Variants in PIP5K1B observed in about 807,000 individuals in gnomAD.
The protein encoded by PIP5K1B is phosphatidylinositol-4-phosphate 5-kinase type 1 beta.
PIP5K1B carries 42 observed loss-of-function variants against 67.0 expected under a neutral mutation model. The observed-to-expected ratio is 0.63, with a 90% CI of 0.49 to 0.81. The LOEUF is 0.81. Among genes scored for constraint, PIP5K1B ranks in the 30% least tolerant of loss-of-function variants. PIP5K1B has a pLI of 0.00. For synonymous variants in PIP5K1B, 214 were observed against 231.4 expected (o/e 0.92, Z 0.68); for missense variants, 459 against 646.3 (o/e 0.71, Z 3.14).
chr9:68,886,859 C>G (rs1824502805), intron 6 of PIP5K1B, among the ~76,000 whole-genome samples: 1 of 152,218 alleles, frequency 6.6e-6, no homozygotes, highest in Admixed American at 6.5e-5. Flanking sequence ...TTCCAGTGGC[C>G]TATAGCACTG....
At chr9:68,911,298 G>A (rs147611731) in intron 8 of PIP5K1B, among the ~76,000 whole-genome samples, 200 of 151,418 alleles carry the variant, frequency 1.3e-3, no homozygotes, top group African/African-American at 4.5e-3. Context: ...GCTTGAACCC[G>A]GGAAGCGGAG....
chr9:68,731,018 TA>T (rs1224891556), intron 1 of PIP5K1B, among the ~76,000 whole-genome samples: 2 of 152,230 alleles, frequency 1.3e-5, no homozygotes, highest in African/African-American at 4.8e-5. Flanking sequence ...CATTAACCAG[TA>T]AACAGATATG....
intron 5 of PIP5K1B, among the ~76,000 whole-genome samples, chr9:68,873,925 A>T (rs371158796): frequency 3.9e-5 from 6 of 152,312 alleles, no homozygotes; most frequent in African/African-American, 1.4e-4. Flanking sequence ...ATATTAACCA[A>T]AGGAAAACAG....
chr9:68,920,929 G>A (rs1326282401), intron 11 of PIP5K1B, among the ~76,000 whole-genome samples: 1 of 151,922 alleles, frequency 6.6e-6, no homozygotes, highest in African/African-American at 2.4e-5. Context: ...AGAATATTTT[G>A]GTCAAGGATT....
chr9:68,719,470 T>G (rs1587336814), intron 1 of PIP5K1B, among the ~76,000 whole-genome samples: 1 of 152,216 alleles, frequency 6.6e-6, no homozygotes, highest in East Asian at 1.9e-4. Flanking sequence ...ATTAACTTAT[T>G]TTTAAGGAGT....
chr9:68,934,407 G>A (rs1827150960), intron 12 of PIP5K1B, among the ~76,000 whole-genome samples: 1 of 152,124 alleles, frequency 6.6e-6, no homozygotes, highest in African/African-American at 2.4e-5. Flanking sequence ...GGCTAAATTG[G>A]GCAACATGAG....
intron 4 of PIP5K1B, among the ~76,000 whole-genome samples, chr9:68,840,334 G>A (rs951044061): frequency 3.3e-5 from 5 of 150,350 alleles, no homozygotes; most frequent in African/African-American, 7.4e-5. Flanking sequence ...CTGAGATCGC[G>A]CCATTGCACT....
At chr9:68,811,854 C>G (rs1341888681) in intron 2 of PIP5K1B, among the ~76,000 whole-genome samples, 1 of 152,158 alleles carries the variant, frequency 6.6e-6, no homozygotes, top group Non-Finnish European at 1.5e-5. Context: ...ATTGCCTTTT[C>G]TGGTCACAGT....
chr9:68,930,287 C>T (rs144330052), intron 12 of PIP5K1B, among the ~76,000 whole-genome samples: 14 of 152,268 alleles, frequency 9.2e-5, no homozygotes, highest in Non-Finnish European at 1.8e-4. Flanking sequence ...TGCCTGTCCA[C>T]TCCCCAAACT....
intron 8 of PIP5K1B, among the ~76,000 whole-genome samples, chr9:68,917,088 C>A (rs542769715): frequency 1.6e-4 from 24 of 152,248 alleles, no homozygotes; most frequent in Admixed American, 5.9e-4. Flanking sequence ...AGTGTGGACA[C>A]CGGAGTTGAC....
chr9:68,708,113 T>G (rs896448315), intron 1 of PIP5K1B: 1 of 151,924 alleles, frequency 6.6e-6, no homozygotes, highest in African/African-American at 2.4e-5. Context: ...ACTTAACAAG[T>G]GCGTTTTAGC....
At chr9:68,877,817 ATGAAGCAATACTGCTTCCT>A (rs1450637600) in intron 6 of PIP5K1B, among the ~76,000 whole-genome samples, 1 of 152,214 alleles carries the variant, frequency 6.6e-6, no homozygotes, top group Non-Finnish European at 1.5e-5. Flanking sequence ...CTTCTGCCTA[ATGAAGCAATACTGCTTCCT>A]CAAGGCACAT....
At chr9:68,759,946 CT>C (rs1274456169) in intron 2 of PIP5K1B, among the ~76,000 whole-genome samples, 2 of 152,088 alleles carry the variant, frequency 1.3e-5, no homozygotes, top group African/African-American at 2.4e-5. Flanking sequence ...TAAGGTATGG[CT>C]TTTGTAAAAA....
At chr9:68,925,859 G>A (rs565936373) in intron 12 of PIP5K1B, among the ~76,000 whole-genome samples, 10 of 134,430 alleles carry the variant, frequency 7.4e-5, no homozygotes, top group Middle Eastern at 5.1e-3. Context: ...GTGCAGTGGC[G>A]TGATTTCAGC....
At chr9:68,807,399 C>A (rs911436207) in intron 2 of PIP5K1B, among the ~76,000 whole-genome samples, 1 of 152,164 alleles carries the variant, frequency 6.6e-6, no homozygotes, top group Non-Finnish European at 1.5e-5. Context: ...CCTGCTCAGT[C>A]CTTTTCTGCC....
chr9:68,920,784 T>TCTCTCTCACACATACACACACA (rs879785029), intron 11 of PIP5K1B, among the ~76,000 whole-genome samples: 1 of 142,132 alleles, frequency 7.0e-6, no homozygotes, highest in African/African-American at 2.8e-5. Flanking sequence ...TCTCTCTCTC[T>TCTCTCTCACACATACACACACA]CACACACATA....
chr9:68,822,920 G>A (rs1397115203), intron 4 of PIP5K1B, among the ~76,000 whole-genome samples: 1 of 152,154 alleles, frequency 6.6e-6, no homozygotes, highest in South Asian at 2.1e-4. Context: ...TGTGTTTGCA[G>A]AGCTGTATTC....
chr9:68,992,456 C>T (rs1179775874), intron 15 of PIP5K1B, among the ~76,000 whole-genome samples: 1 of 152,162 alleles, frequency 6.6e-6, no homozygotes, highest in African/African-American at 2.4e-5. Flanking sequence ...TATGCTTTTC[C>T]ATATCCCTGA....
chr9:68,712,854 C>T (rs924611824), intron 1 of PIP5K1B, among the ~76,000 whole-genome samples: 3 of 152,200 alleles, frequency 2.0e-5, no homozygotes, highest in South Asian at 2.1e-4. Flanking sequence ...CAAAACAAAA[C>T]GTTGCTACAC....
Sources: allele counts gnomAD v4.1 joint callset (sites outside exome capture counted in the v4.1 genomes callset), GRCh38; gene constraint gnomAD v4.1.1; transcripts MANE v1.5; gene names NCBI Gene and HGNC (gene_info 2026-07-23, HGNC 2026-07-21).